PRIM2: variants seen among roughly 807,000 people sequenced by gnomAD.
PRIM2 encodes DNA primase subunit 2.
PRIM2 carries 39 observed loss-of-function variants against 67.3 expected under a neutral mutation model. The ratio of observed to expected loss-of-function variants is 0.58; its 90% CI spans 0.45 to 0.76. The LOEUF is 0.76. Among genes scored for constraint, PRIM2 ranks in the 30% least tolerant of loss-of-function variants. The pLI is 0.00. For missense variants in PRIM2, 398 were observed against 598.7 expected, an observed-to-expected ratio of 0.66 and a Z score of 3.50; for synonymous variants, 143 against 198.7, an observed-to-expected ratio of 0.72 and a Z score of 2.36.
chr6:57,565,250 T>C (rs1210222429), intron 10 of PRIM2, among the ~76,000 whole-genome samples: 6 of 150,182 alleles, frequency 4.0e-5, no homozygotes, highest in Admixed American at 2.0e-4. Context: ...TAAACAGTTA[T>C]CAGTCTTTTC....
chr6:57,559,383 T>A (rs1248587663), intron 10 of PRIM2, among the ~76,000 whole-genome samples: 1 of 152,154 alleles, frequency 6.6e-6, no homozygotes, highest in Non-Finnish European at 1.5e-5. Context: ...TCTAGTGAAT[T>A]TTTGCAGTCT....
At chr6:57,482,664 C>T (rs1172748518) in intron 7 of PRIM2, among the ~76,000 whole-genome samples, 11 of 151,864 alleles carry the variant, frequency 7.2e-5, no homozygotes, top group Non-Finnish European at 1.2e-4. Context: ...ATTGAAGATG[C>T]GTGTGAGGGC....
In PRIM2 at chr6:57,379,897, T is replaced by C; in HGVS notation, c.460-4T>C. The C allele has an allele frequency of 6.5e-7, 1 of 1,535,436 alleles. No homozygotes were observed. The highest frequency in any genetic ancestry group is 8.8e-7 in the Non-Finnish European group (1 of 1,142,604). On this transcript the variant is annotated splice_polypyrimidine_tract_variant and splice_region_variant and intron_variant, in intron 5 of 13. Transcript: ENST00000615550. ...TTGTAACAGCTTAAAATATGTTTTT[T>C]TAGATAAGTGATGAAGAGAAGACTC...
intron 7 of PRIM2, among the ~76,000 whole-genome samples, chr6:57,427,126 T>C (rs1333220639): frequency 6.6e-6 from 1 of 152,144 alleles, no homozygotes; most frequent in Admixed American, 6.6e-5. Flanking sequence ...CTGGCAGAAA[T>C]TGGCAAAAAC....
At chr6:57,410,333 A>G (rs1191834737) in intron 7 of PRIM2, among the ~76,000 whole-genome samples, 1 of 41,462 alleles carries the variant, frequency 2.4e-5, no homozygotes, top group Admixed American at 2.2e-4. Flanking sequence ...CGCCATCTCA[A>G]AAAAAAAAAA....
intron 7 of PRIM2, among the ~76,000 whole-genome samples, chr6:57,401,795 G>T (rs534235314): frequency 3.9e-5 from 6 of 152,312 alleles, no homozygotes; most frequent in African/African-American, 9.6e-5. Context: ...TCTCTGTCTG[G>T]TGATGAGCAC....
chr6:57,539,145 T>C (rs1395507974), intron 10 of PRIM2, among the ~76,000 whole-genome samples: 1 of 152,204 alleles, frequency 6.6e-6, no homozygotes, highest in Non-Finnish European at 1.5e-5. Context: ...AGGATTTTCT[T>C]TGAGCAGTTT....
chr6:57,368,292 A>G (rs1490696982), intron 5 of PRIM2, among the ~76,000 whole-genome samples: 1 of 152,120 alleles, frequency 6.6e-6, no homozygotes, highest in African/African-American at 2.4e-5. Context: ...CTTAAAAAAA[A>G]ACATACAGCT....
intron 7 of PRIM2, among the ~76,000 whole-genome samples, chr6:57,407,192 A>G (rs1165319379): frequency 6.6e-6 from 1 of 152,258 alleles, no homozygotes; most frequent in Non-Finnish European, 1.5e-5. Flanking sequence ...TCTTTGAGGA[A>G]AAAATGAATA....
At chr6:57,436,347 A>G (rs1390492734) in intron 7 of PRIM2, among the ~76,000 whole-genome samples, 1 of 152,250 alleles carries the variant, frequency 6.6e-6, no homozygotes, top group Non-Finnish European at 1.5e-5. Flanking sequence ...CTTTCAGAAC[A>G]TAATGTGATT....
At chr6:57,252,767 C>G in the PRIM2 span, among the ~76,000 whole-genome samples, 2 of 152,170 alleles carry the variant, frequency 1.3e-5, no homozygotes, top group Non-Finnish European at 2.9e-5. Flanking sequence ...AATTGCAACT[C>G]TGTACTGACA....
Position 57,422,158 on chromosome 6 carries a change from C to CTTTTTTTTTTTTTTTTTTTTTT in PRIM2, c.693+40004_693+40005insTTTTTTTTTTTTTTTTTTTTTT, listed in dbSNP as rs575958629. Among the ~76,000 whole-genome samples the CTTTTTTTTTTTTTTTTTTTTTT allele has an allele frequency of 9.8e-3, 1,007 of 103,162 alleles. 77 individuals are homozygous for CTTTTTTTTTTTTTTTTTTTTTT. Among genetic ancestry groups the CTTTTTTTTTTTTTTTTTTTTTT allele is most frequent in the Non-Finnish European group, 0.012 (635 of 51,358 alleles). The allele number at this position is 103,162 out of a possible 152,430, so 67.7% of individuals were successfully genotyped here. On this transcript the variant is annotated intron_variant, in intron 7 of 13. Transcript: ENST00000615550. ...AAATTCAAAAGTATTTCTTTTCTTTCTTTTTTTTTTTTTTGAGATGGAGTC... is the reference window on the plus strand; with the variant it reads ...AAATTCAAAAGTATTTCTTTTCTTTCTTTTTTTTTTTTTTTTTTTTTTTTTTTTTTTTTTTTGAGATGGAGTC...
At chr6:57,256,155 T>C in the PRIM2 span, among the ~76,000 whole-genome samples, 1 of 152,206 alleles carries the variant, frequency 6.6e-6, no homozygotes, top group Non-Finnish European at 1.5e-5. Flanking sequence ...ACACCTTTTG[T>C]AATGTAAAAT....
At chr6:57,617,948 T>C (rs1776784178) in intron 12 of PRIM2, among the ~76,000 whole-genome samples, 1 of 152,228 alleles carries the variant, frequency 6.6e-6, no homozygotes, top group Non-Finnish European at 1.5e-5. Context: ...ATCTTCATTC[T>C]TTTGCTTGTG....
intron 5 of PRIM2, among the ~76,000 whole-genome samples, chr6:57,341,646 G>A (rs974081876): frequency 9.2e-5 from 14 of 152,116 alleles, no homozygotes; most frequent in Non-Finnish European, 2.1e-4. Flanking sequence ...CATCACTTTG[G>A]TTAGAATATT....
At position 57,379,470 on chromosome 6, in the gene PRIM2, A is replaced by G. The variant is rs1475617467; in HGVS notation, c.460-431A>G. Among the ~76,000 whole-genome samples, 4 of 152,004 alleles carry G rather than the reference A, an allele frequency of 2.6e-5. No homozygotes were observed. In the East Asian group the frequency reaches 7.7e-4, roughly 29 times the overall value. The stretch of plus-strand genomic sequence containing the variant: ...GAAAAACTAGTGTTTTAAGTTTGGA[A>G]TTGTCTTATGTGGCTAGAAAATTGA... On this transcript the variant is annotated intron_variant, in intron 5 of 13. Transcript: ENST00000615550.
intron 10 of PRIM2, among the ~76,000 whole-genome samples, chr6:57,539,996 GAAAA>G (rs1171138513): frequency 2.5e-5 from 3 of 121,570 alleles, no homozygotes; most frequent in African/African-American, 9.2e-5. Context: ...TCCATCTCAA[GAAAA>G]AAAAAAAAAG....
chr6:57,601,167 C>G lies in PRIM2; in HGVS notation c.1095C>G (p.Phe365Leu). 6.2e-7 allele frequency: 1 copy of G among 1,612,770 alleles called. No homozygotes were observed. The highest frequency in any genetic ancestry group is 2.2e-5 in the East Asian group (1 of 44,822). ...GCAAGAGGACAGACTATACACCTTT[C>G]AGTTGCCTGAAGATTATTCTGTCCA... ...KEGKRTDYTP[F>L]SCLKIILSNP... The change falls in exon 11 of 14, where the codon TTC (phenylalanine) becomes TTG (leucine). Residue 365 changes from phenylalanine (F) to leucine (L), a missense_variant. Around this residue, in one of 4 missense-constraint regions of PRIM2, gnomAD observed 229 missense variants for 383.6 expected, o/e 0.60. Coordinates refer to ENST00000615550, the MANE Select transcript of PRIM2 (RefSeq NM_000947.5).
At chr6:57,264,904 G>T in the PRIM2 span, among the ~76,000 whole-genome samples, 1 of 152,144 alleles carries the variant, frequency 6.6e-6, no homozygotes, top group Non-Finnish European at 1.5e-5. Context: ...AAACTTTTAA[G>T]AATGTATAGT....
Sources: allele counts gnomAD v4.1 joint callset (sites outside exome capture counted in the v4.1 genomes callset), GRCh38; gene constraint gnomAD v4.1.1; regional missense constraint gnomAD v4.1.1; transcripts MANE v1.5; gene names NCBI Gene and HGNC (gene_info 2026-07-23, HGNC 2026-07-21).